The following FAM118B variants were observed in gnomAD, a reference collection of about 807,000 sequenced individuals.
FAM118B encodes the protein protein FAM118B.
FAM118B carries 24 observed loss-of-function variants against 38.5 expected under a neutral mutation model. That is an observed-to-expected ratio of 0.62 (90% CI 0.45 to 0.88). FAM118B has a LOEUF of 0.88. Among genes scored for constraint, FAM118B ranks in the 40% least tolerant of loss-of-function variants. The pLI is 0.00. For synonymous variants in FAM118B, 138 were observed against 156.3 expected (o/e 0.88, Z 0.87); for missense variants, 334 against 420.0 (o/e 0.80, Z 1.79).
chr11:126,254,234 C>T (rs1591526644), intron 5 of FAM118B, 71 bp from the exon 6 acceptor site: 6 of 1,551,978 alleles, frequency 3.9e-6, no homozygotes, highest in Non-Finnish European at 5.2e-6. Flanking sequence ...AAAACAGCCT[C>T]TTGCCCATTG....
intron 1 of FAM118B, among the ~76,000 whole-genome samples, chr11:126,215,730 G>A (rs1056220729): frequency 2.0e-5 from 3 of 151,358 alleles, no homozygotes; most frequent in Non-Finnish European, 4.4e-5. Flanking sequence ...CCTAAATGGG[G>A]GTGGGGTGCA....
chr11:126,261,404 A>G, intron 7 of FAM118B, 21 bp from the exon 8 acceptor site: 1 of 1,611,038 alleles, frequency 6.2e-7, no homozygotes, highest in Non-Finnish European at 8.5e-7. Flanking sequence ...CTAATGTCTG[A>G]TGCTGATGTC....
At chr11:126,228,478 G>T (rs970410745) in intron 1 of FAM118B, among the ~76,000 whole-genome samples, 1 of 152,126 alleles carries the variant, frequency 6.6e-6, no homozygotes, top group African/African-American at 2.4e-5. Context: ...GGGATTACAG[G>T]AGTGAGCCAC....
At chr11:126,258,702 CAT>C (rs1591530895) in intron 7 of FAM118B, among the ~76,000 whole-genome samples, 1 of 152,218 alleles carries the variant, frequency 6.6e-6, no homozygotes, top group Non-Finnish European at 1.5e-5. Context: ...TTCTGTTGCA[CAT>C]GTTGTTTTCA....
chr11:126,227,529 ATGAAG>A (rs1393649796), intron 1 of FAM118B, among the ~76,000 whole-genome samples: 1 of 152,256 alleles, frequency 6.6e-6, no homozygotes, highest in African/African-American at 2.4e-5. Flanking sequence ...TGATGAATGA[ATGAAG>A]TGAACTTGAG....
At chr11:126,259,527 G>C (rs1004494000) in intron 7 of FAM118B, among the ~76,000 whole-genome samples, 1 of 150,000 alleles carries the variant, frequency 6.7e-6, no homozygotes, top group Non-Finnish European at 1.5e-5. Flanking sequence ...CTGGGTTCAA[G>C]TGATTCTCCT....
Position 126,252,284 on chromosome 11 carries a change from GCA to G in FAM118B, c.567+1554_567+1555del, listed in dbSNP as rs1478774473. Among the ~76,000 whole-genome samples, 2 of 152,108 alleles carry G rather than the reference GCA, an allele frequency of 1.3e-5. No individual in the cohort carries two copies. Among genetic ancestry groups the G allele is most frequent in the Non-Finnish European group, 2.9e-5 (2 of 68,012 alleles). On this transcript the variant is annotated intron_variant, in intron 5 of 8. Transcript: ENST00000533050. This position sits in a 1 kb window ranked among gnomAD's most constrained non-coding sequence, Gnocchi z 4.7. ...TTACAGGCATGAGCCACCACACCCA[GCA>G]CAGTTTTTATCTTGGCTGTTTATCT...
intron 4 of FAM118B, among the ~76,000 whole-genome samples, chr11:126,242,174 A>G (rs1341987910): frequency 6.6e-6 from 1 of 152,192 alleles, no homozygotes; most frequent in Non-Finnish European, 1.5e-5. Context: ...TTAAAATTTC[A>G]TGACTGGATC....
intron 4 of FAM118B, among the ~76,000 whole-genome samples, chr11:126,242,898 T>C (rs1950376184): frequency 6.6e-6 from 1 of 152,216 alleles, no homozygotes; most frequent in Non-Finnish European, 1.5e-5. Flanking sequence ...AGCATATTCA[T>C]GCAGCAACTG....
Position 126,218,530 on chromosome 11 carries a change from G to GTT in FAM118B, c.-77+6708_-77+6709dup, listed in dbSNP as rs76501668. 2.0e-5 allele frequency among the ~76,000 whole-genome samples: 3 copies of GTT among 151,508 alleles called. No homozygotes were observed. In the South Asian group the frequency reaches 6.3e-4, roughly 32 times the overall value. ...CATTCTATGAGGGCAGGGATTTTGG[G>GTT]TTTTTTTTTGTTTACCTCTATAATT... On this transcript the variant is annotated intron_variant, in intron 1 of 8. Transcript: ENST00000533050.
intron 1 of FAM118B, among the ~76,000 whole-genome samples, chr11:126,225,580 T>C (rs1431827427): frequency 6.6e-6 from 1 of 152,242 alleles, no homozygotes; most frequent in African/African-American, 2.4e-5. Context: ...AAGTAGAGTG[T>C]CCTTTTGTAG....
chr11:126,250,778 A>T lies in FAM118B; in HGVS notation c.567+45A>T. On this transcript the variant is annotated intron_variant, in intron 5 of 8. Coordinates refer to ENST00000533050, the MANE Select transcript of FAM118B (RefSeq NM_024556.4). This position sits in a 1 kb window ranked among gnomAD's most constrained non-coding sequence, Gnocchi z 5.1. ...TCCCTTCTTCAGGCTAGTGGATTTT[A>T]TCTTCCTCAGAAAAGCTCTTTTCTA... is the stretch of plus-strand genomic sequence containing the variant. 2 of 1,436,096 alleles carry T rather than the reference A, an allele frequency of 1.4e-6. No individual in the cohort carries two copies. The highest frequency in any genetic ancestry group is 1.9e-6 in the Non-Finnish European group (2 of 1,039,230). The allele number at this position is 1,436,096 out of a possible 1,614,324, so 89.0% of individuals were successfully genotyped here. A position where few individuals can be genotyped will look rare whatever the true frequency, so the allele number is the denominator to read the frequency against.
Position 126,262,851 on chromosome 11 carries a change from T to C in FAM118B, c.*718T>C, listed in dbSNP as rs558520586. On this transcript the variant is annotated 3_prime_UTR_variant, in exon 9 of 9. Transcript: ENST00000533050. ...AACTTCTGCTCTGTTGTCCTGACCA[T>C]ACATATGTCCTAGAACTACAGTTAA... The C allele has an allele frequency of 6.5e-6, 1 of 152,762 alleles. No individual in the cohort carries two copies. Among genetic ancestry groups the C allele is most frequent in the East Asian group, 1.9e-4 (1 of 5,190 alleles). The allele number at this position is 152,762 out of a possible 1,614,324, so 9.5% of individuals were successfully genotyped here.
In FAM118B at chr11:126,235,490, CTTG is replaced by C. The variant is rs202220452; in HGVS notation, c.86+405_86+407del. On this transcript the variant is annotated intron_variant, in intron 3 of 8. Transcript: ENST00000533050. Reference sequence around the variant, plus strand: ...CCACTCCACACACTCTCCCCATGTTCTTGTATGTTTGTGTCACAGTGTTTGGTT... The same window carrying C: ...CCACTCCACACACTCTCCCCATGTTCTATGTTTGTGTCACAGTGTTTGGTT... Among the ~76,000 whole-genome samples, 663 of 152,124 alleles carry C rather than the reference CTTG, an allele frequency of 4.4e-3. 3 individuals are homozygous for C. Among genetic ancestry groups the C allele is most frequent in the Middle Eastern group, 0.01 (3 of 294 alleles).
At chr11:126,231,780 T>C (rs1224048296) in intron 2 of FAM118B, among the ~76,000 whole-genome samples, 2 of 152,148 alleles carry the variant, frequency 1.3e-5, no homozygotes, top group African/African-American at 4.8e-5. Flanking sequence ...AGAAATAGAA[T>C]CCAGCAAAAA....
intron 1 of FAM118B, chr11:126,214,527 T>TTTTTTTTTTTTTTA (rs1949954178): frequency 8.1e-6 from 1 of 123,320 alleles, no homozygotes; most frequent in Non-Finnish European, 1.7e-5. Flanking sequence ...TTTTTTTTTT[T>TTTTTTTTTTTTTTA]ACCTCTATAT....
intron 1 of FAM118B, among the ~76,000 whole-genome samples, chr11:126,226,856 C>T (rs1053107093): frequency 6.6e-6 from 1 of 151,316 alleles, no homozygotes; most frequent in African/African-American, 2.4e-5. Flanking sequence ...GCCTGTAGTC[C>T]CAGCTACCCG....
intron 4 of FAM118B, among the ~76,000 whole-genome samples, chr11:126,243,005 A>G (rs1416896411): frequency 1.3e-5 from 2 of 152,252 alleles, no homozygotes; most frequent in Non-Finnish European, 2.9e-5. Context: ...ATGTCTGTCC[A>G]TGCAATGTTA....
intron 2 of FAM118B, among the ~76,000 whole-genome samples, chr11:126,234,742 C>T (rs980747601): frequency 6.6e-6 from 1 of 152,078 alleles, no homozygotes; most frequent in Non-Finnish European, 1.5e-5. Flanking sequence ...TGGGGGCAGG[C>T]CTTCAGAAAC....
Sources: allele counts gnomAD v4.1 joint callset (sites outside exome capture counted in the v4.1 genomes callset), GRCh38; gene constraint gnomAD v4.1.1; non-coding constraint Gnocchi (gnomAD v3.1); transcripts MANE v1.5; gene names NCBI Gene and HGNC (gene_info 2026-07-23, HGNC 2026-07-21).